EML4: variants seen among roughly 807,000 people sequenced by gnomAD.
The protein encoded by EML4 is echinoderm microtubule-associated protein-like 4.
Under a neutral mutation model 129.0 loss-of-function variants are expected in EML4, and 72 were observed. The observed-to-expected ratio is 0.56, with a 90% CI of 0.46 to 0.68. EML4 has a LOEUF of 0.68. EML4 is among the 30% of genes least tolerant of loss of function. The pLI is 0.00. For synonymous variants in EML4, 532 were observed against 405.0 expected, an observed-to-expected ratio of 1.31 and a Z score of -3.77; for missense variants, 1,363 against 1,190.6, an observed-to-expected ratio of 1.14 and a Z score of -2.13.
chr2:42,303,458 A>G lies in EML4; in HGVS notation c.1899+12A>G. ...CCAGGCTGGTAGATGTGAGTGAAGC[A>G]GGATGTGATTATTAACCTCCCCACA... is the stretch of plus-strand genomic sequence containing the variant. On this transcript the variant is annotated intron_variant, in intron 16 of 22. Transcript: ENST00000318522. 1.2e-6 allele frequency: 2 copies of G among 1,611,058 alleles called. No homozygotes were observed. Among genetic ancestry groups the G allele is most frequent in the East Asian group, 2.2e-5 (1 of 44,800 alleles).
At chr2:42,268,717 T>C (rs1666207197) in intron 6 of EML4, among the ~76,000 whole-genome samples, 1 of 152,180 alleles carries the variant, frequency 6.6e-6, no homozygotes, top group South Asian at 2.1e-4. Flanking sequence ...GGATTATAGC[T>C]GTGAGCCGCC....
chr2:42,300,846 C>T (rs1348152387), intron 13 of EML4, among the ~76,000 whole-genome samples: 1 of 152,162 alleles, frequency 6.6e-6, no homozygotes, highest in Non-Finnish European at 1.5e-5. Context: ...TAAGCTGCTC[C>T]TGTACCTCTT....
chr2:42,251,574 T>TG (rs1675769735), intron 2 of EML4, among the ~76,000 whole-genome samples: 1 of 152,238 alleles, frequency 6.6e-6, no homozygotes, highest in Non-Finnish European at 1.5e-5. Flanking sequence ...TAGAATTTGA[T>TG]GGAGTACATG....
intron 17 of EML4, among the ~76,000 whole-genome samples, chr2:42,304,973 G>T (rs1459955811): frequency 1.3e-5 from 2 of 152,124 alleles, no homozygotes; most frequent in Non-Finnish European, 1.5e-5. Flanking sequence ...ACAAAAATTA[G>T]CCAGGCGCAG....
chr2:42,188,637 C>G (rs1671406666), intron 1 of EML4, among the ~76,000 whole-genome samples: 1 of 152,130 alleles, frequency 6.6e-6, no homozygotes, highest in Non-Finnish European at 1.5e-5. Context: ...CCTCTGCCTC[C>G]TGTGTTAGCC....
In EML4 at chr2:42,257,547, G is replaced by A. The variant is rs1193954847; in HGVS notation, c.338+917G>A. 2.6e-5 allele frequency among the ~76,000 whole-genome samples: 4 copies of A among 152,120 alleles called. No individual in the cohort carries two copies. In the South Asian group the frequency reaches 6.2e-4, roughly 24 times the overall value. ...GATCTTCAGCCCTTTTAAAAATTCC[G>A]TCTAGAGGCCGGGCACGGTGGCTCA... On this transcript the variant is annotated intron_variant, in intron 3 of 22. Transcript: ENST00000318522.
intron 1 of EML4, among the ~76,000 whole-genome samples, chr2:42,205,231 G>T (rs2103987639): frequency 6.6e-6 from 1 of 152,276 alleles, no homozygotes; most frequent in Non-Finnish European, 1.5e-5. Context: ...TTTAGTATAA[G>T]TTGGCTTATG....
At chr2:42,254,999 T>C in intron 2 of EML4, among the ~76,000 whole-genome samples, 1 of 152,094 alleles carries the variant, frequency 6.6e-6, no homozygotes, top group Middle Eastern at 3.2e-3. Flanking sequence ...CATTGTACTA[T>C]ATAAAAGAAG....
At chr2:42,256,023 A>G (rs1011538163) in intron 2 of EML4, among the ~76,000 whole-genome samples, 6 of 152,214 alleles carry the variant, frequency 3.9e-5, no homozygotes, top group Non-Finnish European at 4.4e-5. Flanking sequence ...CACTCCTTGT[A>G]TATGTACTGT....
At chr2:42,203,266 A>G (rs1337965796) in intron 1 of EML4, among the ~76,000 whole-genome samples, 1 of 152,222 alleles carries the variant, frequency 6.6e-6, no homozygotes, top group Non-Finnish European at 1.5e-5. Flanking sequence ...CCATGAGTAT[A>G]TGAAGGTAAG....
chr2:42,220,520 C>A (rs1447355247), intron 1 of EML4, among the ~76,000 whole-genome samples: 2 of 152,154 alleles, frequency 1.3e-5, no homozygotes, highest in Non-Finnish European at 2.9e-5. Context: ...CTGCTCCACA[C>A]ACTGGCTGTT....
At chr2:42,252,879 C>T (rs977075076) in intron 2 of EML4, among the ~76,000 whole-genome samples, 1 of 152,152 alleles carries the variant, frequency 6.6e-6, no homozygotes, top group Non-Finnish European at 1.5e-5. Flanking sequence ...TTCCATGATA[C>T]TCCATTGATA....
intron 3 of EML4, among the ~76,000 whole-genome samples, chr2:42,257,136 T>G (rs1021300576): frequency 2.0e-5 from 3 of 151,896 alleles, no homozygotes; most frequent in Non-Finnish European, 2.9e-5. Flanking sequence ...GTGTGTGTGT[T>G]AGGGGATGGT....
At chr2:42,223,349 T>G (rs1196644363) in intron 1 of EML4, among the ~76,000 whole-genome samples, 1 of 152,190 alleles carries the variant, frequency 6.6e-6, no homozygotes, top group African/African-American at 2.4e-5. Context: ...CTAGCCATTA[T>G]TTGCTATCAT....
At chr2:42,288,437 C>A (rs1667433678) in intron 11 of EML4, 115 bp downstream of exon 11, 2 of 479,822 alleles carry the variant, frequency 4.2e-6, no homozygotes, top group South Asian at 3.8e-5. Context: ...AGCAGATCTA[C>A]TAGCCAAATT....
chr2:42,315,786 T>A (rs1026338503), intron 17 of EML4, among the ~76,000 whole-genome samples, 176 bp from the exon 18 acceptor site: 1 of 151,874 alleles, frequency 6.6e-6, no homozygotes. Flanking sequence ...GAGGCTGAGG[T>A]GTGGGAGGAT....
intron 1 of EML4, among the ~76,000 whole-genome samples, chr2:42,190,183 G>A (rs1267915973): frequency 6.6e-6 from 1 of 152,178 alleles, no homozygotes; most frequent in Non-Finnish European, 1.5e-5. Flanking sequence ...TAGACTATTT[G>A]AGTGTGTATG....
rs533485286 is a variant in EML4 at position 42,169,692 on chromosome 2, T to G, written c.25+56T>G. The G allele has an allele frequency of 7.0e-6, 11 of 1,578,680 alleles. No individual in the cohort carries two copies. In the Admixed American group the frequency reaches 8.8e-5, roughly 13 times the overall value. ...TGCGAAGGGTAGGAACTTTTTTCCTTCCGCACACAGCCCAGGCCCTGCCCT... is the reference window on the plus strand; with the variant it reads ...TGCGAAGGGTAGGAACTTTTTTCCTGCCGCACACAGCCCAGGCCCTGCCCT... On this transcript the variant is annotated intron_variant, in intron 1 of 22. Coordinates refer to ENST00000318522, the MANE Select transcript of EML4 (RefSeq NM_019063.5).
rs114188755 is a variant in EML4, at chr2:42,220,648, C to T, written c.26-24857C>T. 2.5e-3 allele frequency among the ~76,000 whole-genome samples: 383 copies of T among 152,148 alleles called. 1 individual carries two copies. The highest frequency in any genetic ancestry group is 8.6e-3 in the African/African-American group (359 of 41,504). On this transcript the variant is annotated intron_variant, in intron 1 of 22. Transcript: ENST00000318522. ...GTGTTCAAGTGAAAGGAAGAGTGCACGTTTCTCACTTTAAATCAAAAGCTA... is the reference window on the plus strand; with the variant it reads ...GTGTTCAAGTGAAAGGAAGAGTGCATGTTTCTCACTTTAAATCAAAAGCTA...
Sources: allele counts gnomAD v4.1 joint callset (sites outside exome capture counted in the v4.1 genomes callset), GRCh38; gene constraint gnomAD v4.1.1; transcripts MANE v1.5; gene names NCBI Gene and HGNC (gene_info 2026-07-23, HGNC 2026-07-21).